ECM2: variants seen among roughly 807,000 people sequenced by gnomAD.
ECM2 encodes the protein extracellular matrix protein 2, also known as extracellular matrix protein 2, female organ and adipocyte specific.
ECM2 carries 57 observed loss-of-function variants against 67.5 expected under a neutral mutation model. The ratio of observed to expected loss-of-function variants is 0.84; its 90% CI spans 0.68 to 1.05. The LOEUF (loss-of-function observed/expected upper bound fraction) is 1.05. ECM2 is among the 50% of genes least tolerant of loss of function. The probability of loss-of-function intolerance (pLI) is 0.00; values close to 1 mark genes in which losing one functional copy is unlikely to be tolerated. For synonymous variants in ECM2, 258 were observed against 294.5 expected (o/e 0.88, Z 1.27); for missense variants, 741 against 822.8 (o/e 0.90, Z 1.22).
At chr9:92,508,254 G>A (rs368224892) in intron 6 of ECM2, among the ~76,000 whole-genome samples, 2 of 152,324 alleles carry the variant, frequency 1.3e-5, no homozygotes, top group South Asian at 2.1e-4. Context: ...AGTGCAGCCG[G>A]GGGTATCTGA....
intron 2 of ECM2, among the ~76,000 whole-genome samples, chr9:92,522,054 G>T (rs1237093368): frequency 3.9e-5 from 6 of 151,960 alleles, no homozygotes; most frequent in South Asian, 2.1e-4. Context: ...GTTGTTTTTG[G>T]TTTTTTGGGG....
intron 6 of ECM2, among the ~76,000 whole-genome samples, chr9:92,506,574 C>T (rs1033352755): frequency 7.2e-5 from 11 of 152,182 alleles, no homozygotes; most frequent in South Asian, 2.1e-4. Flanking sequence ...GGCATTGCAC[C>T]GAATGCCATG....
At chr9:92,500,655 A>G (rs1846616965) in intron 9 of ECM2, 72 bp downstream of exon 9, 2 of 1,435,672 alleles carry the variant, frequency 1.4e-6, no homozygotes, top group African/African-American at 1.4e-5. Flanking sequence ...CCCAGAGATC[A>G]TGTCATGGTT....
At chr9:92,556,787 C>G in the ECM2 span, among the ~76,000 whole-genome samples, 1 of 152,342 alleles carries the variant, frequency 6.6e-6, no homozygotes, top group East Asian at 1.9e-4. Flanking sequence ...CTTATCTACT[C>G]TGCTGTTGTG....
chr9:92,498,013 C>G (rs1846455016), intron 9 of ECM2, among the ~76,000 whole-genome samples: 2 of 152,234 alleles, frequency 1.3e-5, no homozygotes, highest in Admixed American at 6.5e-5. Context: ...GATGCAGATG[C>G]CAGTGCCGTG....
the ECM2 span, among the ~76,000 whole-genome samples, chr9:92,546,436 T>C: frequency 1.3e-5 from 2 of 152,118 alleles, no homozygotes; most frequent in Non-Finnish European, 2.9e-5. Context: ...GTAACACTCA[T>C]GGGGGAAGAT....
At chr9:92,530,920 T>C (rs1848711400) in intron 1 of ECM2, among the ~76,000 whole-genome samples, 1 of 152,180 alleles carries the variant, frequency 6.6e-6, no homozygotes, top group Non-Finnish European at 1.5e-5. Flanking sequence ...CTCTTACTTA[T>C]AAGGGAGAAC....
At chr9:92,555,594 T>C in the ECM2 span, among the ~76,000 whole-genome samples, 1 of 152,192 alleles carries the variant, frequency 6.6e-6, no homozygotes, top group Admixed American at 6.5e-5. Flanking sequence ...TATCTAATTC[T>C]TCCTGATTTA....
Position 92,515,045 on chromosome 9 carries a change from C to G in ECM2, c.640G>C (p.Glu214Gln), listed in dbSNP as rs1277818992. The change falls in exon 4 of 10, where the codon GAG (glutamate) becomes CAG (glutamine). Residue 214 changes from glutamate to glutamine, a missense_variant. Glu to Gln is a conservative substitution (Grantham distance 29). Coordinates refer to ENST00000344604, the MANE Select transcript of ECM2 (RefSeq NM_001393.4). ...TCTTCTTTCACTTCTTCATCCTCCT[C>G]AGATTGAAGTGCTTCTTTTCTTACT... ...RIVRKEALQS[E>Q]EDEEVKEEDT... The G allele has an allele frequency of 6.2e-7, 1 of 1,614,158 alleles. No individual in the cohort carries two copies. Among genetic ancestry groups the G allele is most frequent in the East Asian group, 2.2e-5 (1 of 44,886 alleles).
chr9:92,525,893 CAA>C (rs71362395), intron 1 of ECM2, among the ~76,000 whole-genome samples: 14 of 43,902 alleles, frequency 3.2e-4, no homozygotes, highest in Non-Finnish European at 2.9e-4. Context: ...ACTCTATCTC[CAA>C]AAAAAAAAAA....
the ECM2 span, among the ~76,000 whole-genome samples, chr9:92,552,188 T>TACAC: frequency 1.2e-3 from 120 of 100,114 alleles, 7 homozygotes; most frequent in African/African-American, 3.1e-3. Context: ...AGATCTATCA[T>TACAC]ATACACACAC....
chr9:92,511,080 A>G (rs1198749308), intron 5 of ECM2, among the ~76,000 whole-genome samples: 1 of 152,100 alleles, frequency 6.6e-6, no homozygotes, highest in Non-Finnish European at 1.5e-5. Flanking sequence ...TACAAACATA[A>G]ACCCCTTTTC....
intron 2 of ECM2, among the ~76,000 whole-genome samples, 153 bp from the exon 3 acceptor site, chr9:92,518,028 A>G (rs1352717285): frequency 6.6e-6 from 1 of 152,256 alleles, no homozygotes; most frequent in East Asian, 1.9e-4. Flanking sequence ...TCGTATAGAC[A>G]TAAGAAATGC....
At chr9:92,515,871 T>C (rs1452368287) in intron 3 of ECM2, among the ~76,000 whole-genome samples, 1 of 152,166 alleles carries the variant, frequency 6.6e-6, no homozygotes, top group African/African-American at 2.4e-5. Flanking sequence ...TGCTTTAACT[T>C]AGACATATGC....
rs149220459 is a variant in ECM2 at position 92,517,818 on chromosome 9, G to C, written c.350C>G (p.Ser117Trp). 1 of 1,613,952 alleles carries C rather than the reference G, an allele frequency of 6.2e-7. No homozygotes were observed. Among genetic ancestry groups the C allele is most frequent in the African/African-American group, 1.3e-5 (1 of 74,886 alleles). ...GAGGCAGGTAGTGCAGGGCTCAGGC[G>C]ACCACACAGCTTTGTTGTACATGGT... ...GITMYNKAVW[S>W]PEPCTTCLCS... Residue 117 changes from serine (S) to tryptophan (W), a missense_variant, in exon 3 of 10, where the codon TCG (serine) becomes TGG (tryptophan). Transcript: ENST00000344604.
chr9:92,525,448 G>A (rs1160941025), intron 1 of ECM2, among the ~76,000 whole-genome samples: 1 of 152,186 alleles, frequency 6.6e-6, no homozygotes, highest in African/African-American at 2.4e-5. Flanking sequence ...GTGACAAATT[G>A]CATATACCAT....
chr9:92,521,588 T>C (rs1260659115), intron 2 of ECM2, among the ~76,000 whole-genome samples: 1 of 152,188 alleles, frequency 6.6e-6, no homozygotes, highest in African/African-American at 2.4e-5. Flanking sequence ...CTTTTGAAAG[T>C]TTTATTTAGT....
At chr9:92,505,160 G>A (rs1846924783) in intron 7 of ECM2, among the ~76,000 whole-genome samples, 1 of 152,170 alleles carries the variant, frequency 6.6e-6, no homozygotes, top group South Asian at 2.1e-4. Context: ...CTCTGTTACG[G>A]TTAATACCTG....
upstream of ECM2, among the ~76,000 whole-genome samples, chr9:92,538,632 A>G (rs1849244961): frequency 6.6e-6 from 1 of 152,230 alleles, no homozygotes; most frequent in Non-Finnish European, 1.5e-5. Flanking sequence ...TTGTGGTTTA[A>G]TGGACTGTTA....
Sources: gnomAD v4.1 joint callset for allele counts (sites outside exome capture counted in the v4.1 genomes callset) on GRCh38, gnomAD v4.1.1 for gene constraint, MANE v1.5 for transcripts, NCBI Gene and HGNC (gene_info 2026-07-23, HGNC 2026-07-21) for gene names.